Variants in TRAPPC9 observed in about 807,000 individuals in gnomAD.
TRAPPC9 encodes the protein IKK2 binding protein.
In TRAPPC9, 83 loss-of-function variants were observed where a neutral mutation model predicts 124.0. The ratio of observed to expected loss-of-function variants is 0.67; its 90% CI spans 0.56 to 0.80. The LOEUF (loss-of-function observed/expected upper bound fraction) is 0.80. Ranked by LOEUF, TRAPPC9 falls within the 30% of genes least tolerant of loss-of-function variation. The pLI, the probability that TRAPPC9 is intolerant of heterozygous loss-of-function variation, is 0.00. For synonymous variants in TRAPPC9, 638 were observed against 617.5 expected (o/e 1.03, Z -0.49); for missense variants, 1,302 against 1,508.3 (o/e 0.86, Z 2.27).
At chr8:140,224,864 G>A (rs117874440) in intron 16 of TRAPPC9, among the ~76,000 whole-genome samples, 143 of 152,160 alleles carry the variant, frequency 9.4e-4, no homozygotes, top group African/African-American at 3.2e-3. Context: ...CCTGAGACCC[G>A]TGCCTACCTC....
chr8:140,313,001 C>A (rs1038010440), intron 9 of TRAPPC9, among the ~76,000 whole-genome samples: 2 of 152,100 alleles, frequency 1.3e-5, no homozygotes, highest in African/African-American at 4.8e-5. Context: ...CTCAAGTGAT[C>A]CCCCCACCTT....
At chr8:139,763,674 G>A (rs934231751) in intron 21 of TRAPPC9, among the ~76,000 whole-genome samples, 3 of 151,938 alleles carry the variant, frequency 2.0e-5, no homozygotes, top group African/African-American at 7.2e-5. Flanking sequence ...ATGCACGCAC[G>A]CGTGCACACA....
rs371721486 is a variant in TRAPPC9, at chr8:140,354,118, G to T, written c.1495+5932C>A. ...TAGTACGGCCAAATACAGAGTGAAT[G>T]TGAGAGTGGGAAAAGATGAGTCTGG... On this transcript the variant is annotated intron_variant, in intron 9 of 22. Coordinates refer to ENST00000438773, the MANE Select transcript of TRAPPC9 (RefSeq NM_001160372.4). 5.3e-5 allele frequency among the ~76,000 whole-genome samples: 8 copies of T among 152,356 alleles called. No individual in the cohort carries two copies. In the East Asian group the frequency reaches 1.3e-3, roughly 26 times the overall value.
intron 17 of TRAPPC9, among the ~76,000 whole-genome samples, chr8:140,119,364 C>T (rs1175604219): frequency 6.6e-6 from 1 of 152,208 alleles, no homozygotes; most frequent in East Asian, 1.9e-4. Context: ...AGGATGGCCC[C>T]TCAAGCAGTT....
chr8:139,748,313 T>G (rs1476850226), intron 21 of TRAPPC9, among the ~76,000 whole-genome samples: 1 of 47,942 alleles, frequency 2.1e-5, no homozygotes, highest in African/African-American at 1.5e-4. Context: ...TCAGAGCAGG[T>G]GGGAGGTGTG....
At position 140,097,839 on chromosome 8, in the gene TRAPPC9, G is replaced by A. The variant is rs1313375245; in HGVS notation, c.2557-73760C>T. ...GTCATGACGCCTACCCAGGTCCTTA[G>A]TGCGTGGCTACAGACGTGCCGCAGT... On this transcript the variant is annotated intron_variant, in intron 17 of 22. Transcript: ENST00000438773. The surrounding 1 kb of genome is among the most constrained non-coding windows in gnomAD (Gnocchi z 4.2). The A allele has an allele frequency of 6.6e-6, 1 of 152,186 alleles. No individual in the cohort carries two copies. Among genetic ancestry groups the A allele is most frequent in the Non-Finnish European group, 1.5e-5 (1 of 68,058 alleles). 9.4% of individuals were successfully genotyped at this position (152,186 alleles called of 1,614,324 possible).
chr8:139,954,646 C>T (rs1297025142), intron 19 of TRAPPC9, among the ~76,000 whole-genome samples: 2 of 152,194 alleles, frequency 1.3e-5, no homozygotes, highest in Non-Finnish European at 2.9e-5. Context: ...GCGAGGTAAT[C>T]TCAGGACCTG....
intron 15 of TRAPPC9, among the ~76,000 whole-genome samples, chr8:140,268,736 C>G (rs1025263448): frequency 1.3e-5 from 2 of 152,216 alleles, no homozygotes; most frequent in African/African-American, 4.8e-5. Context: ...ACTGGGGACC[C>G]GACTGGAGAG....
chr8:139,852,003 T>G (rs182833013), intron 21 of TRAPPC9, among the ~76,000 whole-genome samples: 1 of 152,310 alleles, frequency 6.6e-6, no homozygotes, highest in East Asian at 1.9e-4. Flanking sequence ...TCATCTTGAA[T>G]TCCCATGTGC....
At chr8:139,796,575 G>A (rs1321738174) in intron 21 of TRAPPC9, among the ~76,000 whole-genome samples, 1 of 152,238 alleles carries the variant, frequency 6.6e-6, no homozygotes, top group African/African-American at 2.4e-5. Context: ...GTTATAGCAT[G>A]TGTCAGCACT....
rs1026411777 is a variant in TRAPPC9 at position 140,252,938 on chromosome 8, A to G, written c.2279-9T>C. ...GTCGCCATACAATTTTTCTGTAATA[A>G]TAACAATGACAGTGATGAGGATGCT... is the stretch of plus-strand genomic sequence containing the variant. On this transcript the variant is annotated splice_polypyrimidine_tract_variant and intron_variant, in intron 15 of 22. Coordinates refer to ENST00000438773, the MANE Select transcript of TRAPPC9 (RefSeq NM_001160372.4). This position sits in a 1 kb window ranked among gnomAD's most constrained non-coding sequence, Gnocchi z 4.2. The G allele has an allele frequency of 2.4e-5, 38 of 1,613,446 alleles. No individual in the cohort carries two copies. The highest frequency in any genetic ancestry group is 3.1e-5 in the Non-Finnish European group (37 of 1,179,972).
chr8:139,814,918 G>T (rs1824723756), intron 21 of TRAPPC9, among the ~76,000 whole-genome samples: 2 of 152,184 alleles, frequency 1.3e-5, no homozygotes, highest in South Asian at 4.1e-4. Flanking sequence ...GCTCCTTGAG[G>T]ACAGACATGG....
intron 21 of TRAPPC9, among the ~76,000 whole-genome samples, chr8:139,745,656 T>G (rs1055853716): frequency 6.6e-6 from 1 of 152,156 alleles, no homozygotes; most frequent in Admixed American, 6.5e-5. Context: ...CCCAGCAGGC[T>G]CTGGGATTTG....
chr8:139,734,271 G>T (rs1476885951), intron 21 of TRAPPC9, among the ~76,000 whole-genome samples: 1 of 152,180 alleles, frequency 6.6e-6, no homozygotes, highest in Non-Finnish European at 1.5e-5. Context: ...AGGTTTAAGG[G>T]TACGCAATTC....
At position 140,258,816 on chromosome 8, in the gene TRAPPC9, G is replaced by A. The variant is rs567659268; in HGVS notation, c.2279-5887C>T. On this transcript the variant is annotated intron_variant, in intron 15 of 22. Transcript: ENST00000438773. The stretch of plus-strand genomic sequence containing the variant: ...TGGGGGCCAGGGCCCAAGGCCTCAA[G>A]AACATTGGAAGTGTGTGCCAACTTC... Among the ~76,000 whole-genome samples the A allele has an allele frequency of 4.0e-4, 61 of 152,374 alleles. 1 individual carries two copies. The highest frequency in any genetic ancestry group is 6.8e-3 in the Middle Eastern group (2 of 294).
intron 15 of TRAPPC9, among the ~76,000 whole-genome samples, chr8:140,266,653 C>T (rs1366170523): frequency 6.6e-6 from 1 of 151,872 alleles, no homozygotes; most frequent in Non-Finnish European, 1.5e-5. Flanking sequence ...GGTCAGGAGA[C>T]AGAGACTATC....
intron 19 of TRAPPC9, among the ~76,000 whole-genome samples, chr8:139,953,416 C>A (rs1834778421): frequency 6.6e-6 from 1 of 152,166 alleles, no homozygotes; most frequent in African/African-American, 2.4e-5. Context: ...TCGCTTGAAC[C>A]CAGGAGGCAG....
chr8:139,979,648 C>G (rs1836748296), intron 19 of TRAPPC9, among the ~76,000 whole-genome samples: 1 of 152,114 alleles, frequency 6.6e-6, no homozygotes, highest in Non-Finnish European at 1.5e-5. Context: ...ACCTCTAGTA[C>G]AGCAAGAGGG....
chr8:140,394,286 T>TA (rs2069023019), intron 7 of TRAPPC9, among the ~76,000 whole-genome samples: 1 of 152,200 alleles, frequency 6.6e-6, no homozygotes, highest in Non-Finnish European at 1.5e-5. Context: ...AGGGTCCGTT[T>TA]AAAAGCACAG....
Sources: gnomAD v4.1 joint callset for allele counts (sites outside exome capture counted in the v4.1 genomes callset) on GRCh38, gnomAD v4.1.1 for gene constraint, Gnocchi (gnomAD v3.1) non-coding constraint, MANE v1.5 for transcripts, NCBI Gene and HGNC (gene_info 2026-07-23, HGNC 2026-07-21) for gene names.